NF1: variants seen among roughly 807,000 people sequenced by gnomAD.
NF1 encodes neurofibromin.
Under a neutral mutation model 325.7 loss-of-function variants are expected in NF1, and 122 were observed. That is an observed-to-expected ratio of 0.37 (90% CI 0.32 to 0.44). The LOEUF (loss-of-function observed/expected upper bound fraction) is 0.44. NF1 is among the 20% of genes least tolerant of loss of function. The probability of loss-of-function intolerance (pLI) is 1.00; values close to 1 mark genes in which losing one functional copy is unlikely to be tolerated. For synonymous variants in NF1, 1,091 were observed against 1,186.0 expected (o/e 0.92, Z 1.65); for missense variants, 2,140 against 3,415.4 (o/e 0.63, Z 9.31).
At chr17:31,098,847 G>C (rs1912027774) in intron 1 of NF1, among the ~76,000 whole-genome samples, 1 of 149,998 alleles carries the variant, frequency 6.7e-6, no homozygotes, top group Non-Finnish European at 1.5e-5. Flanking sequence ...CAGGAGAATG[G>C]CCTGAACCTG....
rs558384573 is a variant in NF1, at chr17:31,256,970, T to C, written c.4174-1374T>C. On this transcript the variant is annotated intron_variant, in intron 31 of 57. Coordinates refer to ENST00000358273, the MANE Select transcript of NF1 (RefSeq NM_001042492.3). ...TTTTTACTAACTTCCTGTTAGAGAT[T>C]ATAGAAAGCTATTTTGAGGTTATAA... Among the ~76,000 whole-genome samples, 4 of 152,326 alleles carry C rather than the reference T, an allele frequency of 2.6e-5. No individual in the cohort carries two copies. The East Asian group carries it at 7.7e-4, about 29-fold the overall frequency.
intron 36 of NF1, among the ~76,000 whole-genome samples, chr17:31,290,816 G>T (rs976467969): frequency 2.6e-5 from 4 of 152,126 alleles, no homozygotes; most frequent in Non-Finnish European, 5.9e-5. Flanking sequence ...GACCAGCCTG[G>T]CCAACATGGT....
At chr17:31,333,445 T>C (rs1597838135) in intron 39 of NF1, among the ~76,000 whole-genome samples, 1 of 152,338 alleles carries the variant, frequency 6.6e-6, no homozygotes, top group East Asian at 1.9e-4. Flanking sequence ...TCTCCAGATC[T>C]AGACATAGAA....
intron 1 of NF1, among the ~76,000 whole-genome samples, chr17:31,152,632 G>T (rs1917027992): frequency 6.8e-6 from 1 of 147,572 alleles, no homozygotes; most frequent in Non-Finnish European, 1.5e-5. Context: ...TTTCATTTCT[G>T]AAATGATTTA....
rs17882196 is a variant in NF1 at position 31,342,232 on chromosome 17, C to T, written c.7063-777C>T. On this transcript the variant is annotated intron_variant, in intron 47 of 57. Coordinates refer to ENST00000358273, the MANE Select transcript of NF1 (RefSeq NM_001042492.3). The stretch of plus-strand genomic sequence containing the variant: ...ACCCCTCTGTCCTAATTCTCATTGC[C>T]GTTTTTCTAAAACTGTTTTGGGACA... 3.7e-3 allele frequency among the ~76,000 whole-genome samples: 569 copies of T among 152,144 alleles called. 6 individuals carry two copies. The highest frequency in any genetic ancestry group is 0.013 in the African/African-American group (522 of 41,500).
At chr17:31,103,168 TC>T (rs1305806678) in intron 1 of NF1, among the ~76,000 whole-genome samples, 1 of 151,576 alleles carries the variant, frequency 6.6e-6, no homozygotes, top group African/African-American at 2.4e-5. Context: ...TTTTAAATGT[TC>T]CTGTTTTTTG....
Position 31,356,132 on chromosome 17 carries a change from A to G in NF1, c.7616-328A>G, listed in dbSNP as rs548072699. On this transcript the variant is annotated intron_variant, in intron 51 of 57. Transcript: ENST00000358273. ...CATAGTTGACCTTTGCTACTGAATA[A>G]TGCCTACCATTGCATTTATTATCAG... 6.2e-5 allele frequency: 17 copies of G among 276,226 alleles called. No individual in the cohort carries two copies. The South Asian group carries it at 6.7e-4, about 11-fold the overall frequency. The allele number at this position is 276,226 out of a possible 1,614,324, so 17.1% of individuals were successfully genotyped here. A position where few individuals can be genotyped will look rare whatever the true frequency, so the allele number is the denominator to read the frequency against.
intron 39 of NF1, 182 bp from the exon 40 acceptor site, chr17:31,334,656 T>C: frequency 3.7e-6 from 2 of 543,242 alleles, no homozygotes; most frequent in Non-Finnish European, 6.4e-6. Context: ...AAAATTACTT[T>C]CTTCAAGGAC....
Position 31,340,680 on chromosome 17 carries a change from T to A in NF1, c.7062+35T>A, listed in dbSNP as rs368354031. Reference sequence around the variant, plus strand: ...CTTTGCCTTGAGGTTCCTAGATTACTCAAATTTAGTACTCTTCCATCTTTT... The same window carrying A: ...CTTTGCCTTGAGGTTCCTAGATTACACAAATTTAGTACTCTTCCATCTTTT... On this transcript the variant is annotated intron_variant, in intron 47 of 57. Coordinates refer to ENST00000358273, the MANE Select transcript of NF1 (RefSeq NM_001042492.3). The A allele has an allele frequency of 1.0e-5, 16 of 1,600,290 alleles. No homozygotes were observed. In the African/African-American group the frequency reaches 2.1e-4, roughly 21 times the overall value.
Position 31,181,699 on chromosome 17 carries a change from T to C in NF1, c.655-11T>C, listed in dbSNP as rs1473900779. 6.3e-7 allele frequency: 1 copy of C among 1,596,308 alleles called. No homozygotes were observed. Among genetic ancestry groups the C allele is most frequent in the Non-Finnish European group, 8.6e-7 (1 of 1,163,792 alleles). ...AAATCACTGTAAAGACATGTGGTTC[T>C]TTATTTATAGGCATTTTGGAACTGG... On this transcript the variant is annotated splice_polypyrimidine_tract_variant and intron_variant, in intron 6 of 57. Transcript: ENST00000358273.
Position 31,226,517 on chromosome 17 carries a change from T to C in NF1, c.2084T>C (p.Leu695Pro), listed in dbSNP as rs199474761. 6.2e-7 allele frequency: 1 copy of C among 1,613,920 alleles called. No individual in the cohort carries two copies. Among genetic ancestry groups the C allele is most frequent in the Non-Finnish European group, 8.5e-7 (1 of 1,179,810 alleles). Residue 695 changes from leucine (L) to proline (P), a missense_variant, in exon 18 of 58, where the codon CTG (leucine) becomes CCG (proline). This residue lies in a region of NF1 where 380 missense variants were observed against 639.3 expected (regional missense o/e 0.59). Coordinates refer to ENST00000358273, the MANE Select transcript of NF1 (RefSeq NM_001042492.3). ...TKLEVALYMFLWNPDTEAVLV... is the reference protein window; with the variant it reads ...TKLEVALYMFPWNPDTEAVLV... ...CTAGAAGTGGCCCTGTACATGTTTC[T>C]GTGGAACCCTGACACTGAAGCTGTT...
chr17:31,284,170 C>G (rs966204420), intron 36 of NF1, among the ~76,000 whole-genome samples: 2 of 152,222 alleles, frequency 1.3e-5, no homozygotes, highest in Non-Finnish European at 2.9e-5. Flanking sequence ...GGCATGATCT[C>G]TGCTCACTGC....
At chr17:31,169,037 C>T (rs532035651) in intron 4 of NF1, among the ~76,000 whole-genome samples, 3 of 152,172 alleles carry the variant, frequency 2.0e-5, no homozygotes, top group Non-Finnish European at 2.9e-5. Flanking sequence ...CTAACAGTTG[C>T]GAAAGGTTAC....
chr17:31,254,424 A>G (rs1362034024), intron 31 of NF1: 1 of 152,032 alleles, frequency 6.6e-6, no homozygotes, highest in African/African-American at 2.4e-5. Context: ...TCCATTGAAG[A>G]TTTTATTTTT....
chr17:31,194,372 A>G (rs1419701685), intron 8 of NF1, among the ~76,000 whole-genome samples: 3 of 152,120 alleles, frequency 2.0e-5, no homozygotes, highest in African/African-American at 7.2e-5. Flanking sequence ...ACAGAATACT[A>G]CAGGCTGGGA....
chr17:31,116,940 G>A (rs772252382), intron 1 of NF1, among the ~76,000 whole-genome samples: 3 of 151,460 alleles, frequency 2.0e-5, no homozygotes, highest in Non-Finnish European at 4.4e-5. Context: ...GCCTCCCAAA[G>A]TGCTAGGGTT....
At chr17:31,210,193 C>G (rs1241781755) in intron 12 of NF1, among the ~76,000 whole-genome samples, 1 of 152,148 alleles carries the variant, frequency 6.6e-6, no homozygotes, top group African/African-American at 2.4e-5. Context: ...AACACTGAAT[C>G]CCTAACGTTT....
chr17:31,263,081 AGG>A (rs1210332629), intron 35 of NF1, among the ~76,000 whole-genome samples: 4 of 114,018 alleles, frequency 3.5e-5, no homozygotes, highest in South Asian at 2.8e-4. Context: ...ATAGATAGGT[AGG>A]TAGGTAGGTA....
chr17:31,135,497 A>G (rs1915699455), intron 1 of NF1, among the ~76,000 whole-genome samples: 1 of 151,910 alleles, frequency 6.6e-6, no homozygotes, highest in Non-Finnish European at 1.5e-5. Context: ...AGTTTAGTTC[A>G]TTTACATTCA....
Sources: allele counts gnomAD v4.1 joint callset (sites outside exome capture counted in the v4.1 genomes callset), GRCh38; gene constraint gnomAD v4.1.1; regional missense constraint gnomAD v4.1.1; transcripts MANE v1.5; gene names NCBI Gene and HGNC (gene_info 2026-07-23, HGNC 2026-07-21).